The following NLRC4 variants were observed in gnomAD, a reference collection of about 807,000 sequenced individuals.
The protein encoded by NLRC4 is NLR family CARD domain-containing protein 4.
A neutral mutation model predicts 79.9 loss-of-function variants in NLRC4; 63 were observed. That is an observed-to-expected ratio of 0.79 (90% CI 0.64 to 0.97). NLRC4 has a LOEUF of 0.97. NLRC4 is among the 50% of genes least tolerant of loss of function. The pLI, the probability that NLRC4 is intolerant of heterozygous loss-of-function variation, is 0.00. For synonymous variants in NLRC4, 461 were observed against 456.5 expected (o/e 1.01, Z -0.12); for missense variants, 1,074 against 1,215.2 (o/e 0.88, Z 1.73).
At chr2:32,261,316 C>CCCCTTTTTTTTTTTTT in intron 1 of NLRC4, among the ~76,000 whole-genome samples, 30 of 96,916 alleles carry the variant, frequency 3.1e-4, no homozygotes, top group Non-Finnish European at 4.6e-4. Flanking sequence ...AGCCTCCCCC[C>CCCCTTTTTTTTTTTTT]TTTTGTTTTT....
rs576447710 is a variant in NLRC4, at chr2:32,230,581, C to T, written c.2782+4820G>A. On this transcript the variant is annotated intron_variant, in intron 8 of 8. Transcript: ENST00000402280. ...CCACCTTCTCGGTTCAAGAGAGTCT[C>T]CTGCCTCAGCCTCCCAAGTAGCTGG... is the stretch of plus-strand genomic sequence containing the variant. Among the ~76,000 whole-genome samples, 370 of 151,980 alleles carry T rather than the reference C, an allele frequency of 2.4e-3. 2 individuals are homozygous for T. The highest frequency in any genetic ancestry group is 8.7e-3 in the African/African-American group (359 of 41,422).
At chr2:32,262,306 T>C (rs897288691) in intron 1 of NLRC4, among the ~76,000 whole-genome samples, 10 of 152,064 alleles carry the variant, frequency 6.6e-5, no homozygotes, top group African/African-American at 2.2e-4. Context: ...AAGGGGTGGG[T>C]TTGGGAAGAA....
intron 6 of NLRC4, among the ~76,000 whole-genome samples, chr2:32,236,918 C>T (rs1200003951): frequency 3.3e-5 from 5 of 152,050 alleles, no homozygotes; most frequent in Admixed American, 6.6e-5. Context: ...TCAACAATTA[C>T]ATTAAATCTT....
chr2:32,265,201 G>A (rs1387834523), upstream of NLRC4, among the ~76,000 whole-genome samples: 1 of 150,582 alleles, frequency 6.6e-6, no homozygotes, highest in Non-Finnish European at 1.5e-5. Context: ...TTTTTTTTGA[G>A]ACAGAGTCTT....
At position 32,250,226 on chromosome 2, in the gene NLRC4, C is replaced by T; in HGVS notation, c.1638G>A (p.Leu546=). ...SVKNTTEQEI[L]KAININSFVE... ...CAAAGGAATTGATGTTTATGGCTTT[C>T]AGAATTTCTTGCTCAGTGGTGTTTT... Residue 546 remains leucine (L), a synonymous_variant, in exon 4 of 9, where the codon CTG becomes CTA. Coordinates refer to ENST00000402280, the MANE Select transcript of NLRC4 (RefSeq NM_001199138.2). The surrounding 1 kb of genome is among the most constrained non-coding windows in gnomAD (Gnocchi z 4.9). The T allele has an allele frequency of 6.2e-7, 1 of 1,614,158 alleles. No homozygotes were observed. The highest frequency in any genetic ancestry group is 8.5e-7 in the Non-Finnish European group (1 of 1,180,052).
chr2:32,233,828 TTTC>T (rs1686610240), intron 8 of NLRC4, among the ~76,000 whole-genome samples: 1 of 152,194 alleles, frequency 6.6e-6, no homozygotes, highest in South Asian at 2.1e-4. Context: ...AAGTCTGATG[TTTC>T]TTTGTTGATT....
chr2:32,243,586 G>A (rs1227772605), intron 4 of NLRC4, among the ~76,000 whole-genome samples: 2 of 151,642 alleles, frequency 1.3e-5, no homozygotes, highest in Non-Finnish European at 2.9e-5. Flanking sequence ...TGGATCACAA[G>A]GTCAGGAGTT....
chr2:32,239,247 C>A (rs1389229465), intron 5 of NLRC4, among the ~76,000 whole-genome samples: 1 of 152,186 alleles, frequency 6.6e-6, no homozygotes, highest in Non-Finnish European at 1.5e-5. Flanking sequence ...CACCACTGCA[C>A]TCCAGCCTGG....
Position 32,224,602 on chromosome 2 carries a change from T to A in NLRC4, c.2946A>T (p.Ala982=). ...ACACTTGGCTAAGTTTTCTGACTAA[T>A]GCTGGATCAGGTAGAAATTCTTTAG... ...FSTKEFLPDP[A]LVRKLSQVLS... The change falls in exon 9 of 9, where the codon GCA becomes GCT. Residue 982 remains alanine, a synonymous_variant. Coordinates refer to ENST00000402280, the MANE Select transcript of NLRC4 (RefSeq NM_001199138.2). 1 of 1,613,958 alleles carries A rather than the reference T, an allele frequency of 6.2e-7. No homozygotes were observed. Among genetic ancestry groups the A allele is most frequent in the East Asian group, 2.2e-5 (1 of 44,872 alleles).
At chr2:32,251,751 C>T in intron 3 of NLRC4, 150 bp from the exon 4 acceptor site, 1 of 582,192 alleles carries the variant, frequency 1.7e-6, no homozygotes, top group African/African-American at 1.9e-5. Context: ...ACAAAGGGTT[C>T]TGTCTGCTCC....
intron 4 of NLRC4, among the ~76,000 whole-genome samples, chr2:32,242,438 A>G (rs973166191): frequency 6.6e-5 from 10 of 152,210 alleles, no homozygotes; most frequent in African/African-American, 2.2e-4. Context: ...TTTGAAAACC[A>G]CAAACTACCA....
intron 8 of NLRC4, among the ~76,000 whole-genome samples, chr2:32,231,599 T>C (rs1686540996): frequency 7.3e-6 from 1 of 136,752 alleles, no homozygotes; most frequent in African/African-American, 2.7e-5. Context: ...GGACTGGGTG[T>C]CACTCTGTCA....
chr2:32,238,803 ACTGC>A, intron 5 of NLRC4, among the ~76,000 whole-genome samples: 1 of 152,324 alleles, frequency 6.6e-6, no homozygotes, highest in East Asian at 1.9e-4. Context: ...GACCACATCC[ACTGC>A]AGCATGTTTA....
Position 32,250,668 on chromosome 2 carries a change from T to C in NLRC4, c.1196A>G (p.Glu399Gly). ...ATCAAACTTGTGGGAGAACACACCC[T>C]CCAGAGCTAGGTCTCCACAGTGGTC... ...SLDHCGDLAL[E>G]GVFSHKFDFE... Residue 399 changes from glutamate to glycine, a missense_variant, in exon 4 of 9, where the codon GAG (glutamate) becomes GGG (glycine). Transcript: ENST00000402280. This position sits in a 1 kb window ranked among gnomAD's most constrained non-coding sequence, Gnocchi z 4.9. 6.2e-7 allele frequency: 1 copy of C among 1,614,144 alleles called. No individual in the cohort carries two copies. Among genetic ancestry groups the C allele is most frequent in the Non-Finnish European group, 8.5e-7 (1 of 1,180,004 alleles).
intron 1 of NLRC4, among the ~76,000 whole-genome samples, chr2:32,260,213 C>CAAAAAAAAA (rs1197388989): frequency 5.3e-5 from 4 of 75,058 alleles, no homozygotes; most frequent in African/African-American, 1.8e-4. Context: ...TGGGCAACGA[C>CAAAAAAAAA]AAAAAAAAAA....
At chr2:32,247,545 C>G (rs1441676791) in intron 4 of NLRC4, among the ~76,000 whole-genome samples, 17 of 151,396 alleles carry the variant, frequency 1.1e-4, no homozygotes, top group Non-Finnish European at 2.4e-4. Context: ...AACTCCCAAC[C>G]TCAGGTGACC....
At chr2:32,233,895 ATTG>A (rs977451440) in intron 8 of NLRC4, among the ~76,000 whole-genome samples, 11 of 152,018 alleles carry the variant, frequency 7.2e-5, no homozygotes, top group African/African-American at 1.4e-4. Flanking sequence ...GTCTCCAGCT[ATTG>A]TTGTATTGGG....
chr2:32,262,835 G>A (rs563040421), intron 1 of NLRC4, among the ~76,000 whole-genome samples: 87 of 151,780 alleles, frequency 5.7e-4, no homozygotes, highest in Non-Finnish European at 1.0e-3. Flanking sequence ...TGTAGCTATG[G>A]CCCTGCAACC....
chr2:32,260,097 C>T (rs1347505221), intron 1 of NLRC4, among the ~76,000 whole-genome samples: 1 of 151,646 alleles, frequency 6.6e-6, no homozygotes, highest in African/African-American at 2.4e-5. Flanking sequence ...GGCATGGTGG[C>T]TCATGCCTGT....
Sources: gnomAD v4.1 joint callset for allele counts (sites outside exome capture counted in the v4.1 genomes callset) on GRCh38, gnomAD v4.1.1 for gene constraint, Gnocchi (gnomAD v3.1) non-coding constraint, MANE v1.5 for transcripts, NCBI Gene and HGNC (gene_info 2026-07-23, HGNC 2026-07-21) for gene names.